Variants in MAP1B observed in about 807,000 individuals in gnomAD.
The protein encoded by MAP1B is microtubule associated protein 1B.
MAP1B carries 12 observed loss-of-function variants against 176.1 expected under a neutral mutation model. That is an observed-to-expected ratio of 0.07 (90% CI 0.04 to 0.11). MAP1B has a LOEUF of 0.11. Ranked by LOEUF, MAP1B falls within the 10% of genes least tolerant of loss-of-function variation. The pLI, the probability that MAP1B is intolerant of heterozygous loss-of-function variation, is 1.00. For synonymous variants in MAP1B, 1,044 were observed against 1,135.0 expected (o/e 0.92, Z 1.61); for missense variants, 2,523 against 2,990.5 (o/e 0.84, Z 3.65).
chr5:72,170,552 C>T (rs982981028), intron 2 of MAP1B, among the ~76,000 whole-genome samples: 27 of 151,954 alleles, frequency 1.8e-4, no homozygotes, highest in Admixed American at 1.6e-3. Flanking sequence ...TTCTGCCCAC[C>T]GAGAGGAGCT....
chr5:72,126,953 G>T (rs1745643048), intron 2 of MAP1B, among the ~76,000 whole-genome samples: 1 of 152,212 alleles, frequency 6.6e-6, no homozygotes, highest in Non-Finnish European at 1.5e-5. Flanking sequence ...GCTCATGGGT[G>T]TTTTATCTTC....
intron 2 of MAP1B, among the ~76,000 whole-genome samples, chr5:72,160,495 T>G (rs1342832201): frequency 1.3e-5 from 2 of 152,154 alleles, no homozygotes; most frequent in African/African-American, 4.8e-5. Flanking sequence ...TTGCAGTCCC[T>G]TTAGGTGGGA....
intron 2 of MAP1B, among the ~76,000 whole-genome samples, chr5:72,180,507 G>T (rs1746743149): frequency 6.6e-6 from 1 of 151,942 alleles, no homozygotes; most frequent in African/African-American, 2.4e-5. Context: ...ATTTTCTTTT[G>T]CTTTAAATGC....
chr5:72,161,956 C>CAAA (rs4043357), intron 2 of MAP1B, among the ~76,000 whole-genome samples: 94 of 84,588 alleles, frequency 1.1e-3, no homozygotes, highest in Middle Eastern at 6.2e-3. Context: ...AATTCCGTCT[C>CAAA]AAAAAAAAAA....
In MAP1B at chr5:72,199,961, A is replaced by G; in HGVS notation, c.6606A>G (p.Pro2202=). 6.2e-7 allele frequency: 1 copy of G among 1,614,192 alleles called. No homozygotes were observed. The highest frequency in any genetic ancestry group is 8.5e-7 in the Non-Finnish European group (1 of 1,180,038). ...CGTACAAACACATGGACCCACCTCC[A>G]GCTCCCGTGCAAGACCGCAGCCCTT... is the stretch of plus-strand genomic sequence containing the variant. ...TVTYKHMDPP[P]APVQDRSPSP... The change falls in exon 5 of 7, where the codon CCA becomes CCG. Residue 2202 remains proline, a synonymous_variant. Coordinates refer to ENST00000296755, the MANE Select transcript of MAP1B (RefSeq NM_005909.5). The surrounding 1 kb of genome is among the most constrained non-coding windows in gnomAD (Gnocchi z 4.2).
At chr5:72,138,898 T>C (rs1745887812) in intron 2 of MAP1B, among the ~76,000 whole-genome samples, 1 of 152,242 alleles carries the variant, frequency 6.6e-6, no homozygotes, top group African/African-American at 2.4e-5. Context: ...TTTTCTTCCT[T>C]ATCTTTTTCT....
intron 2 of MAP1B, among the ~76,000 whole-genome samples, chr5:72,129,335 C>T (rs1434688438): frequency 6.6e-6 from 1 of 152,160 alleles, no homozygotes; most frequent in Non-Finnish European, 1.5e-5. Context: ...GTGGGCAGAT[C>T]ACTTGAGATC....
Position 72,186,889 on chromosome 5 carries a change from T to C in MAP1B, c.510+135T>C. On this transcript the variant is annotated intron_variant, in intron 4 of 6. Coordinates refer to ENST00000296755, the MANE Select transcript of MAP1B (RefSeq NM_005909.5). The surrounding 1 kb of genome is among the most constrained non-coding windows in gnomAD (Gnocchi z 4.3). ...TCCTGAAATAAGCAAAACTGCATGA[T>C]CCAAAATACTTTATTTCTATGGCTC... The C allele has an allele frequency of 2.1e-6, 2 of 953,698 alleles. No homozygotes were observed. Among genetic ancestry groups the C allele is most frequent in the Non-Finnish European group, 3.2e-6 (2 of 633,164 alleles). 59.1% of individuals were successfully genotyped at this position (953,698 alleles called of 1,614,324 possible). A position where few individuals can be genotyped will look rare whatever the true frequency, so the allele number is the denominator to read the frequency against.
chr5:72,199,514 G>C lies in MAP1B; in HGVS notation c.6159G>C (p.Gln2053His). ...ETAEKITRTPQASTYSYETSD... is the reference protein window; with the variant it reads ...ETAEKITRTPHASTYSYETSD... ...CAGAGAAAATCACTAGAACCCCTCA[G>C]GCATCCACATATTCCTACGAGACTT... is the stretch of plus-strand genomic sequence containing the variant. Residue 2053 changes from glutamine (Q) to histidine (H), a missense_variant, in exon 5 of 7, where the codon CAG becomes CAC. Around this residue, in one of 4 missense-constraint regions of MAP1B, gnomAD observed 1,925 missense variants for 2,126.0 expected, o/e 0.91. Transcript: ENST00000296755. The surrounding 1 kb of genome is among the most constrained non-coding windows in gnomAD (Gnocchi z 4.2). The C allele has an allele frequency of 6.2e-7, 1 of 1,614,124 alleles. No individual in the cohort carries two copies.
chr5:72,171,788 G>A (rs1400007940), intron 2 of MAP1B, among the ~76,000 whole-genome samples: 1 of 152,182 alleles, frequency 6.6e-6, no homozygotes, highest in African/African-American at 2.4e-5. Flanking sequence ...AGGTCTGGAA[G>A]AGGGAAGAAC....
intron 2 of MAP1B, among the ~76,000 whole-genome samples, chr5:72,177,535 G>A (rs1375017572): frequency 6.6e-6 from 1 of 152,112 alleles, no homozygotes; most frequent in Non-Finnish European, 1.5e-5. Flanking sequence ...TTCTGTGAGG[G>A]GCTCTGGAAG....
At chr5:72,166,480 G>A (rs1466971970) in intron 2 of MAP1B, among the ~76,000 whole-genome samples, 1 of 152,078 alleles carries the variant, frequency 6.6e-6, no homozygotes, top group Admixed American at 6.5e-5. Context: ...CTGAACTGTG[G>A]CCCACTGATA....
rs1747201845 is a variant in MAP1B, at chr5:72,197,321, A to C, written c.3966A>C (p.Ser1322=). Residue 1322 remains serine (S), a synonymous_variant, in exon 5 of 7, where the codon TCA becomes TCC. Coordinates refer to ENST00000296755, the MANE Select transcript of MAP1B (RefSeq NM_005909.5). ...SPEDKTLEVV[S]PSQSVTGSAG... ...AGGACAAGACTCTGGAAGTGGTGTCACCATCTCAGTCCGTGACTGGCAGTG... is the reference window on the plus strand; with the variant it reads ...AGGACAAGACTCTGGAAGTGGTGTCCCCATCTCAGTCCGTGACTGGCAGTG... 5.0e-6 allele frequency: 8 copies of C among 1,614,210 alleles called. No homozygotes were observed. Among genetic ancestry groups the C allele is most frequent in the Non-Finnish European group, 6.8e-6 (8 of 1,180,024 alleles).
In MAP1B at chr5:72,118,741, C is replaced by G. The variant is rs868868991; in HGVS notation, c.286+2942C>G. ...AGGATTATAGGCATGAGCCACCATG[C>G]CCAGCCACAGTTTTGTTTTGTTTTA... On this transcript the variant is annotated intron_variant, in intron 2 of 6. Coordinates refer to ENST00000296755, the MANE Select transcript of MAP1B (RefSeq NM_005909.5). 1.1e-4 allele frequency among the ~76,000 whole-genome samples: 16 copies of G among 152,280 alleles called. 1 individual carries two copies. The Middle Eastern group carries it at 0.01, about 97-fold the overall frequency.
chr5:72,109,349 C>T (rs911252269), intron 1 of MAP1B, among the ~76,000 whole-genome samples: 1 of 151,958 alleles, frequency 6.6e-6, no homozygotes, highest in East Asian at 1.9e-4. Context: ...TCTCAATAAC[C>T]CTTCATTTTC....
Position 72,197,393 on chromosome 5 carries a change from T to G in MAP1B, c.4038T>G (p.Ser1346Arg). ...YYQSPTDEKS[S>R]HLPTEVIEKP... ...AATCTCCTACTGACGAGAAATCCAG[T>G]CATCTCCCTACAGAAGTCATTGAAA... The change falls in exon 5 of 7, where the codon AGT (serine) becomes AGG (arginine). Residue 1346 changes from serine (S) to arginine (R), a missense_variant. By Grantham distance (110) the Ser-to-Arg change is moderately radical. Around this residue, in one of 4 missense-constraint regions of MAP1B, gnomAD observed 1,925 missense variants for 2,126.0 expected, o/e 0.91. Transcript: ENST00000296755. 1.2e-6 allele frequency: 2 copies of G among 1,614,164 alleles called. No homozygotes were observed. The highest frequency in any genetic ancestry group is 1.7e-6 in the Non-Finnish European group (2 of 1,180,020).
Position 72,199,158 on chromosome 5 carries a change from G to T in MAP1B, c.5803G>T (p.Asp1935Tyr). The T allele has an allele frequency of 1.2e-6, 2 of 1,614,136 alleles. No individual in the cohort carries two copies. The highest frequency in any genetic ancestry group is 1.7e-6 in the Non-Finnish European group (2 of 1,180,030). ...TGGGAAAACTACCAAGACCCCTGAA[G>T]ATGGTGACTATTCCTATGAAATTAT... is the stretch of plus-strand genomic sequence containing the variant. ...TIGKTTKTPE[D>Y]GDYSYEIIEK... The change falls in exon 5 of 7, where the codon GAT becomes TAT. Residue 1935 changes from aspartate (D) to tyrosine (Y), a missense_variant. Around this residue, in one of 4 missense-constraint regions of MAP1B, gnomAD observed 1,925 missense variants for 2,126.0 expected, o/e 0.91. Transcript: ENST00000296755. This position sits in a 1 kb window ranked among gnomAD's most constrained non-coding sequence, Gnocchi z 4.2.
At position 72,208,037 on chromosome 5, in the gene MAP1B, C is replaced by CT. The variant is rs1423840005; in HGVS notation, c.*2803dup. On this transcript the variant is annotated 3_prime_UTR_variant, in exon 7 of 7. Coordinates refer to ENST00000296755, the MANE Select transcript of MAP1B (RefSeq NM_005909.5). The stretch of plus-strand genomic sequence containing the variant: ...AAAAACTGTCACTAGTCAGCTGGCT[C>CT]TTTTTCCTATGAAATCTATCAGTAC... The CT allele has an allele frequency of 1.5e-5, 2 of 135,206 alleles. No individual in the cohort carries two copies. The highest frequency in any genetic ancestry group is 4.9e-4 in the East Asian group (2 of 4,084). 8.4% of individuals were successfully genotyped at this position (135,206 alleles called of 1,614,324 possible).
chr5:72,199,867 C>T lies in MAP1B; in HGVS notation c.6512C>T (p.Ser2171Phe). The change falls in exon 5 of 7, where the codon TCC becomes TTC. Residue 2171 changes from serine to phenylalanine, a missense_variant. Around this residue, in one of 4 missense-constraint regions of MAP1B, gnomAD observed 287 missense variants for 401.5 expected, o/e 0.71. Coordinates refer to ENST00000296755, the MANE Select transcript of MAP1B (RefSeq NM_005909.5). The surrounding 1 kb of genome is among the most constrained non-coding windows in gnomAD (Gnocchi z 4.2). ...CCCCCGGAGACTGAAGAGTGCCCCT[C>T]CATCACGGCCGATGCCAATATCGAC... ...DVPPETEECPSITADANIDSE... is the reference protein window; with the variant it reads ...DVPPETEECPFITADANIDSE... The T allele has an allele frequency of 1.2e-6, 2 of 1,614,192 alleles. No individual in the cohort carries two copies. The highest frequency in any genetic ancestry group is 1.7e-6 in the Non-Finnish European group (2 of 1,180,032).
Sources: gnomAD v4.1 joint callset for allele counts (sites outside exome capture counted in the v4.1 genomes callset) on GRCh38, gnomAD v4.1.1 for gene constraint, gnomAD v4.1.1 regional missense constraint, Gnocchi (gnomAD v3.1) non-coding constraint, MANE v1.5 for transcripts, NCBI Gene and HGNC (gene_info 2026-07-23, HGNC 2026-07-21) for gene names.